CMKLR1: variants seen among roughly 807,000 people sequenced by gnomAD.
CMKLR1 encodes the protein chemerin-like receptor 1.
CMKLR1 carries 6 observed loss-of-function variants against 8.2 expected under a neutral mutation model. That is an observed-to-expected ratio of 0.73 (90% CI 0.40 to 1.44). The LOEUF (loss-of-function observed/expected upper bound fraction) is 1.44. Ranked by LOEUF, CMKLR1 falls within the 40% of genes most tolerant of loss-of-function variation. CMKLR1 has a pLI of 0.02. For missense variants in CMKLR1, 429 were observed against 478.0 expected (o/e 0.90, Z 0.96); for synonymous variants, 178 against 181.2 (o/e 0.98, Z 0.14).
intron 2 of CMKLR1, among the ~76,000 whole-genome samples, chr12:108,294,449 T>C (rs1891075936): frequency 6.6e-6 from 1 of 152,218 alleles, no homozygotes; most frequent in Admixed American, 6.5e-5. Flanking sequence ...TGCAAGATCT[T>C]GGAGGCAGTG....
At chr12:108,311,827 GGCTGGGGGCACGGAAGGACT>G (rs1891586380) in intron 2 of CMKLR1, among the ~76,000 whole-genome samples, 1 of 152,082 alleles carries the variant, frequency 6.6e-6, no homozygotes, top group Admixed American at 6.5e-5. Flanking sequence ...GGAAGCCCCA[GGCTGGGGGCACGGAAGGACT>G]GCTGGGGGGA....
At chr12:108,306,124 T>C (rs1420622959) in intron 2 of CMKLR1, among the ~76,000 whole-genome samples, 1 of 152,202 alleles carries the variant, frequency 6.6e-6, no homozygotes, top group Admixed American at 6.5e-5. Context: ...AAAATCTCAA[T>C]AGGCTGTTTG....
chr12:108,293,149 A>G (rs1037793471), intron 3 of CMKLR1, among the ~76,000 whole-genome samples, 190 bp from the exon 4 acceptor site: 1 of 152,184 alleles, frequency 6.6e-6, no homozygotes, highest in Non-Finnish European at 1.5e-5. Flanking sequence ...GCCAGGCACT[A>G]TTGCATTCTA....
rs187319817 is a variant in CMKLR1, at chr12:108,295,172, T to C, written c.-73-1508A>G. On this transcript the variant is annotated intron_variant, in intron 2 of 3. Coordinates refer to ENST00000550402, the MANE Select transcript of CMKLR1 (RefSeq NM_001142343.2). The stretch of plus-strand genomic sequence containing the variant: ...CAGTAGTGGGGAATGCACATTGAGC[T>C]CTTGTGTATGCCAGGGACCATGTTA... Among the ~76,000 whole-genome samples the C allele has an allele frequency of 1.8e-4, 27 of 152,306 alleles. No homozygotes were observed. In the East Asian group the frequency reaches 4.8e-3, roughly 27 times the overall value.
chr12:108,301,035 G>A (rs1031176238), intron 2 of CMKLR1, among the ~76,000 whole-genome samples: 1 of 150,430 alleles, frequency 6.6e-6, no homozygotes, highest in African/African-American at 2.4e-5. Flanking sequence ...GTTGTTGTCA[G>A]TGGTGGTTCT....
At chr12:108,315,018 A>G (rs1418793578) in intron 2 of CMKLR1, among the ~76,000 whole-genome samples, 1 of 148,912 alleles carries the variant, frequency 6.7e-6, no homozygotes, top group African/African-American at 2.5e-5. Flanking sequence ...GCTCACCGCA[A>G]TATCCACCTC....
At chr12:108,306,812 T>G (rs1473874814) in intron 2 of CMKLR1, among the ~76,000 whole-genome samples, 1 of 152,122 alleles carries the variant, frequency 6.6e-6, no homozygotes, top group Non-Finnish European at 1.5e-5. Context: ...AACACGCCCT[T>G]GCAAACTCAG....
chr12:108,295,893 T>C (rs1444136443), intron 2 of CMKLR1, among the ~76,000 whole-genome samples: 1 of 152,130 alleles, frequency 6.6e-6, no homozygotes, highest in African/African-American at 2.4e-5. Context: ...GGCCATGTTT[T>C]TTCATCTTAG....
At chr12:108,303,000 A>T (rs1332674262) in intron 2 of CMKLR1, among the ~76,000 whole-genome samples, 1 of 152,148 alleles carries the variant, frequency 6.6e-6, no homozygotes, top group Non-Finnish European at 1.5e-5. Flanking sequence ...CAAAACAAAC[A>T]AACAAACACT....
rs1287310083 is a variant in CMKLR1, at chr12:108,292,884, C to T, written c.79G>A (p.Val27Ile). Reference sequence around the variant, plus strand: ...TCCAAGGGGGATAAGTCCTCCAAAACCACAATGGAGTCTAAATAATCAGGG... The same window carrying T: ...TCCAAGGGGGATAAGTCCTCCAAAATCACAATGGAGTCTAAATAATCAGGG... The part of the protein sequence containing the change: ...EYPDYLDSIV[V>I]LEDLSPLEAR... The change falls in exon 4 of 4, where the codon GTT (valine) becomes ATT (isoleucine). Residue 27 changes from valine to isoleucine, a missense_variant. Coordinates refer to ENST00000550402, the MANE Select transcript of CMKLR1 (RefSeq NM_001142343.2). 3.1e-6 allele frequency: 5 copies of T among 1,614,012 alleles called. No homozygotes were observed. The highest frequency in any genetic ancestry group is 4.5e-5 in the East Asian group (2 of 44,898).
intron 1 of CMKLR1, among the ~76,000 whole-genome samples, chr12:108,335,276 G>T (rs1053280318): frequency 6.6e-6 from 1 of 152,104 alleles, no homozygotes; most frequent in African/African-American, 2.4e-5. Context: ...GGCCTCCTTT[G>T]CAACTAGATT....
rs113470285 is a variant in CMKLR1, at chr12:108,321,532, C to T, written c.-74+8463G>A. Among the ~76,000 whole-genome samples, 12 of 152,266 alleles carry T rather than the reference C, an allele frequency of 7.9e-5. 1 individual carries two copies. The highest frequency in any genetic ancestry group is 5.8e-4 in the East Asian group (3 of 5,182). On this transcript the variant is annotated intron_variant, in intron 2 of 3. Transcript: ENST00000550402. The stretch of plus-strand genomic sequence containing the variant: ...TGGGATCCCATCCTGCACTTTCACG[C>T]GTCTGCGTCACTCACCACCCCCTAA...
At chr12:108,326,575 G>T (rs4964676) in intron 2 of CMKLR1, among the ~76,000 whole-genome samples, 1 of 151,952 alleles carries the variant, frequency 6.6e-6, no homozygotes, top group South Asian at 2.1e-4. Flanking sequence ...TCTGCAGCAC[G>T]TGAAAGGCAG....
chr12:108,337,124 C>T (rs537281856), intron 1 of CMKLR1, among the ~76,000 whole-genome samples: 3 of 152,286 alleles, frequency 2.0e-5, no homozygotes, highest in South Asian at 2.1e-4. Context: ...AGTACCTTGC[C>T]TAAGACCAAG....
At chr12:108,296,697 G>A (rs369489151) in intron 2 of CMKLR1, among the ~76,000 whole-genome samples, 12 of 152,104 alleles carry the variant, frequency 7.9e-5, no homozygotes, top group Admixed American at 1.3e-4. Flanking sequence ...ATGGCAACAC[G>A]TGCCTGTAAT....
chr12:108,320,372 T>C (rs1891832239), intron 2 of CMKLR1, among the ~76,000 whole-genome samples: 1 of 152,062 alleles, frequency 6.6e-6, no homozygotes, highest in South Asian at 2.1e-4. Flanking sequence ...CTGGGAGGTA[T>C]GCGCCAGGTA....
chr12:108,293,485 T>C lies in CMKLR1; in HGVS notation c.3+104A>G, dbSNP rs1891048955. 9.1e-6 allele frequency: 11 copies of C among 1,206,930 alleles called. No homozygotes were observed. In the South Asian group the frequency reaches 1.2e-4, roughly 13 times the overall value. 74.8% of individuals were successfully genotyped at this position (1,206,930 alleles called of 1,614,324 possible). On this transcript the variant is annotated intron_variant, in intron 3 of 3. Coordinates refer to ENST00000550402, the MANE Select transcript of CMKLR1 (RefSeq NM_001142343.2). ...TGGTGCTGTGAACTTGATTCCAACA[T>C]GCTTCTAAAACCAAGTGGACAGCCT...
At chr12:108,333,449 A>G (rs1053974219) in intron 1 of CMKLR1, among the ~76,000 whole-genome samples, 3 of 152,142 alleles carry the variant, frequency 2.0e-5, no homozygotes, top group Admixed American at 6.5e-5. Context: ...CAGTCTGGGA[A>G]CCCAAGATCA....
chr12:108,310,066 TGAGCCTTG>T (rs1289618733), intron 2 of CMKLR1, among the ~76,000 whole-genome samples: 1 of 151,976 alleles, frequency 6.6e-6, no homozygotes, highest in Non-Finnish European at 1.5e-5. Context: ...GCATTTGAGC[TGAGCCTTG>T]GAGGGTATGA....
Sources: gnomAD v4.1 joint callset for allele counts (sites outside exome capture counted in the v4.1 genomes callset) on GRCh38, gnomAD v4.1.1 for gene constraint, MANE v1.5 for transcripts, NCBI Gene and HGNC (gene_info 2026-07-23, HGNC 2026-07-21) for gene names.